Variants in PPP6R2 observed in about 807,000 individuals in gnomAD.
PPP6R2 encodes the protein serine/threonine-protein phosphatase 6 regulatory subunit 2.
In PPP6R2, 62 loss-of-function variants were observed where a neutral mutation model predicts 100.2. That is an observed-to-expected ratio of 0.62 (90% CI 0.50 to 0.76). PPP6R2 has a LOEUF of 0.76. PPP6R2 is among the 30% of genes least tolerant of loss of function. The pLI is 0.00. For synonymous variants in PPP6R2, 525 were observed against 514.7 expected (o/e 1.02, Z -0.27); for missense variants, 1,142 against 1,276.3 (o/e 0.89, Z 1.60).
chr22:50,361,519 C>T (rs2047791106), intron 1 of PPP6R2, among the ~76,000 whole-genome samples: 1 of 152,104 alleles, frequency 6.6e-6, no homozygotes, highest in South Asian at 2.1e-4. Flanking sequence ...TTCTTCTGTG[C>T]GTCTTGTTTG....
chr22:50,369,279 G>A (rs2049455697), intron 1 of PPP6R2, among the ~76,000 whole-genome samples: 1 of 147,652 alleles, frequency 6.8e-6, no homozygotes, highest in African/African-American at 2.6e-5. Context: ...TTTGAAAACT[G>A]TATAAAGTTT....
chr22:50,441,058 G>C, intron 22 of PPP6R2, 32 bp downstream of exon 22: 1 of 1,481,424 alleles, frequency 6.8e-7, no homozygotes. Context: ...CGGGCCTGCC[G>C]GGTGCATAGG....
upstream of PPP6R2, among the ~76,000 whole-genome samples, chr22:50,338,317 GTGTGGTGTGTGTGTGGTA>G (rs2042326276): frequency 6.7e-6 from 1 of 148,634 alleles, no homozygotes. Context: ...TGTGTGTGGT[GTGTGGTGTGTGTGTGGTA>G]TATGTAGTGT....
intron 2 of PPP6R2, among the ~76,000 whole-genome samples, chr22:50,372,723 C>G (rs985871152): frequency 3.3e-5 from 5 of 151,396 alleles, no homozygotes; most frequent in African/African-American, 4.9e-5. Flanking sequence ...GAGTCTTGCT[C>G]TGTTGCCCAG....
chr22:50,372,024 A>G lies in PPP6R2; in HGVS notation c.-143A>G, dbSNP rs999068407. Reference sequence around the variant, plus strand: ...ATTTTTCCTCTTATTTTTCAGGTAAAGAGATTATAAATCTTCCACTGAATG... The same window carrying G: ...ATTTTTCCTCTTATTTTTCAGGTAAGGAGATTATAAATCTTCCACTGAATG... On this transcript the variant is annotated 5_prime_UTR_variant, in exon 2 of 24. Coordinates refer to ENST00000612753, the MANE Select transcript of PPP6R2 (RefSeq NM_001242898.2). The G allele has an allele frequency of 1.3e-5, 2 of 152,200 alleles. No individual in the cohort carries two copies. Among genetic ancestry groups the G allele is most frequent in the African/African-American group, 4.8e-5 (2 of 41,462 alleles). 9.4% of individuals were successfully genotyped at this position (152,200 alleles called of 1,614,324 possible). A position where few individuals can be genotyped will look rare whatever the true frequency, so the allele number is the denominator to read the frequency against.
chr22:50,429,371 A>T (rs889849246), intron 10 of PPP6R2, among the ~76,000 whole-genome samples: 1 of 151,984 alleles, frequency 6.6e-6, no homozygotes, highest in African/African-American at 2.4e-5. Context: ...ATGAGTTGAG[A>T]TGATCATTTG....
At chr22:50,443,596 G>A (rs768014597) in intron 22 of PPP6R2, 12 of 525,484 alleles carry the variant, frequency 2.3e-5, no homozygotes, top group African/African-American at 5.7e-5. Flanking sequence ...AGAATGAGGC[G>A]CTTGATGATG....
In PPP6R2 at chr22:50,439,627, G is replaced by C. The variant is rs930552749; in HGVS notation, c.2129-74G>C. 2.8e-5 allele frequency: 41 copies of C among 1,441,820 alleles called. No individual in the cohort carries two copies. The African/African-American group carries it at 5.3e-4, about 19-fold the overall frequency. The allele number at this position is 1,441,820 out of a possible 1,614,324, so 89.3% of individuals were successfully genotyped here. A position where few individuals can be genotyped will look rare whatever the true frequency, so the allele number is the denominator to read the frequency against. On this transcript the variant is annotated intron_variant, in intron 19 of 23. Coordinates refer to ENST00000612753, the MANE Select transcript of PPP6R2 (RefSeq NM_001242898.2). ...CAACCTCTGAGGGGCTCCCGGGGCA[G>C]GGGCGCTGCCTCCCCTTTGCCTGCA...
At chr22:50,378,597 T>C (rs750184487) in intron 2 of PPP6R2, among the ~76,000 whole-genome samples, 2 of 151,256 alleles carry the variant, frequency 1.3e-5, no homozygotes, top group Non-Finnish European at 2.9e-5. Context: ...AAAAAAATTA[T>C]CTACTGTAGT....
At chr22:50,388,393 CAA>C (rs745823253) in intron 2 of PPP6R2, among the ~76,000 whole-genome samples, 16 of 126,364 alleles carry the variant, frequency 1.3e-4, no homozygotes, top group South Asian at 2.8e-4. Flanking sequence ...GACCCTATCT[CAA>C]AAAAAAAAAA....
At chr22:50,408,405 T>C (rs2059281027) in intron 4 of PPP6R2, among the ~76,000 whole-genome samples, 1 of 152,184 alleles carries the variant, frequency 6.6e-6, no homozygotes, top group Non-Finnish European at 1.5e-5. Context: ...TTCAGTGGAA[T>C]GCCGTCTTCC....
intron 1 of PPP6R2, among the ~76,000 whole-genome samples, chr22:50,349,905 G>A (rs2044641905): frequency 6.6e-6 from 1 of 151,226 alleles, no homozygotes; most frequent in Non-Finnish European, 1.5e-5. Flanking sequence ...ATCACCTGAG[G>A]TCAGGAGTTC....
chr22:50,401,747 A>G (rs561864265), intron 3 of PPP6R2, among the ~76,000 whole-genome samples: 227 of 150,616 alleles, frequency 1.5e-3, no homozygotes, highest in African/African-American at 5.3e-3. Context: ...GGTTCACGCC[A>G]TTCTCCTGCC....
intron 21 of PPP6R2, 65 bp downstream of exon 21, chr22:50,440,114 C>T (rs1315768800): frequency 3.4e-6 from 5 of 1,453,384 alleles, no homozygotes; most frequent in Non-Finnish European, 4.7e-6. Flanking sequence ...CCAGCTGGCC[C>T]CCCTCCTTGG....
chr22:50,363,120 ACTT>A (rs1215251975), intron 1 of PPP6R2, among the ~76,000 whole-genome samples: 1 of 152,146 alleles, frequency 6.6e-6, no homozygotes, highest in Non-Finnish European at 1.5e-5. Context: ...GATTTTTGTC[ACTT>A]CTTGTAGAAG....
chr22:50,339,799 G>GTA (rs1569219116), upstream of PPP6R2, among the ~76,000 whole-genome samples: 45 of 65,660 alleles, frequency 6.9e-4, no homozygotes, highest in African/African-American at 4.5e-3. Flanking sequence ...GTGTGTGTGG[G>GTA]GTATGTGTGT....
At chr22:50,425,629 C>T (rs966056373) in intron 10 of PPP6R2, among the ~76,000 whole-genome samples, 1 of 152,196 alleles carries the variant, frequency 6.6e-6, no homozygotes, top group African/African-American at 2.4e-5. Context: ...AACAAAGTCT[C>T]CCCTTTCTCC....
In PPP6R2 at chr22:50,435,019, A is replaced by G. The variant is rs897499632; in HGVS notation, c.1454A>G (p.Asn485Ser). Residue 485 changes from asparagine to serine, a missense_variant, in exon 13 of 24, where the codon AAC (asparagine) becomes AGC (serine). Coordinates refer to ENST00000612753, the MANE Select transcript of PPP6R2 (RefSeq NM_001242898.2). ...GNMGHLTRIANAVVQNLERGP... is the reference protein window; with the variant it reads ...GNMGHLTRIASAVVQNLERGP... ...ATGGGCCACCTCACACGGATCGCCA[A>G]CGCGGTGGTGCAGAACCTGGAGCGG... 2.5e-6 allele frequency: 4 copies of G among 1,604,118 alleles called. No homozygotes were observed. The highest frequency in any genetic ancestry group is 3.4e-6 in the Non-Finnish European group (4 of 1,175,232).
chr22:50,332,924 A>G, the PPP6R2 span, among the ~76,000 whole-genome samples: 1 of 152,126 alleles, frequency 6.6e-6, no homozygotes, highest in Non-Finnish European at 1.5e-5. Flanking sequence ...AACCAGTCCT[A>G]AATTCTTTTT....
Sources: gnomAD v4.1 joint callset for allele counts (sites outside exome capture counted in the v4.1 genomes callset) on GRCh38, gnomAD v4.1.1 for gene constraint, MANE v1.5 for transcripts, NCBI Gene and HGNC (gene_info 2026-07-23, HGNC 2026-07-21) for gene names.